MOB2: variants seen among roughly 807,000 people sequenced by gnomAD.
The protein encoded by MOB2 is MOB2 Mps One Binder homolog.
MOB2 carries 14 observed loss-of-function variants against 27.4 expected under a neutral mutation model. The ratio of observed to expected loss-of-function variants is 0.51; its 90% CI spans 0.34 to 0.80. MOB2 has a LOEUF of 0.80. MOB2 is among the 30% of genes least tolerant of loss of function. The pLI is 0.01. For missense variants in MOB2, 304 were observed against 354.6 expected, an observed-to-expected ratio of 0.86 and a Z score of 1.15; for synonymous variants, 167 against 151.8, an observed-to-expected ratio of 1.10 and a Z score of -0.74.
intron 1 of MOB2, among the ~76,000 whole-genome samples, chr11:1,484,424 G>A (rs1847948851): frequency 6.6e-6 from 1 of 152,178 alleles, no homozygotes; most frequent in Non-Finnish European, 1.5e-5. Flanking sequence ...GGCCCCTCAT[G>A]CTCCTTGGTT....
intron 3 of MOB2, among the ~76,000 whole-genome samples, chr11:1,475,860 C>T (rs1179382108): frequency 2.6e-5 from 4 of 152,216 alleles, no homozygotes; most frequent in Non-Finnish European, 5.9e-5. Flanking sequence ...ATCTTAGCAA[C>T]CTCACACACA....
intron 3 of MOB2, 120 bp downstream of exon 3, chr11:1,480,273 G>T: frequency 1.1e-6 from 1 of 920,174 alleles, no homozygotes; most frequent in Admixed American, 2.5e-5. Flanking sequence ...CCTGTGCCAA[G>T]ACTTCTCAGG....
Position 1,481,406 on chromosome 11 carries a change from G to A in MOB2, c.111-521C>T, listed in dbSNP as rs549209021. 1.5e-4 allele frequency: 28 copies of A among 191,116 alleles called. No individual in the cohort carries two copies. In the South Asian group the frequency reaches 1.8e-3, roughly 12 times the overall value. The allele number at this position is 191,116 out of a possible 1,614,324, so 11.8% of individuals were successfully genotyped here. A position where few individuals can be genotyped will look rare whatever the true frequency, so the allele number is the denominator to read the frequency against. On this transcript the variant is annotated intron_variant, in intron 1 of 4. Transcript: ENST00000329957. ...GAGCACGGGGCCCCTGGCATCAGGC[G>A]GCAGCCTGGCCTGCAGCTCCAGTAT...
chr11:1,483,190 C>T (rs1847935147), intron 1 of MOB2, among the ~76,000 whole-genome samples: 2 of 152,198 alleles, frequency 1.3e-5, no homozygotes, highest in Admixed American at 1.3e-4. Flanking sequence ...CTGCCCCTCA[C>T]CCAGGGAAGT....
chr11:1,482,696 C>T (rs1276846652), intron 1 of MOB2, among the ~76,000 whole-genome samples: 1 of 152,250 alleles, frequency 6.6e-6, no homozygotes, highest in African/African-American at 2.4e-5. Context: ...TGAGACAAGC[C>T]TCCTGCAAGC....
rs12798762 is a variant in MOB2 at position 1,486,746 on chromosome 11, T to G, written c.-190A>C. 3 of 533,020 alleles carry G rather than the reference T, an allele frequency of 5.6e-6. No individual in the cohort carries two copies. The highest frequency in any genetic ancestry group is 1.0e-5 in the Non-Finnish European group (3 of 294,968). 33.0% of individuals were successfully genotyped at this position (533,020 alleles called of 1,614,324 possible). On this transcript the variant is annotated 5_prime_UTR_variant, in exon 1 of 5. Coordinates refer to ENST00000329957, the MANE Select transcript of MOB2 (RefSeq NM_001172223.3). ...TGGTGAAACGAGGGAGCGTCTGAAT[T>G]GGCCTTTTCCAAGTGGCATGGCTGC... is the stretch of plus-strand genomic sequence containing the variant.
At chr11:1,483,524 G>A (rs186549667) in intron 1 of MOB2, among the ~76,000 whole-genome samples, 2 of 152,310 alleles carry the variant, frequency 1.3e-5, no homozygotes, top group East Asian at 3.9e-4. Context: ...GGAGGGCCGG[G>A]CCAGATGGAA....
Position 1,486,560 on chromosome 11 carries a change from T to C in MOB2, c.-4A>G. The C allele has an allele frequency of 1.3e-6, 2 of 1,532,686 alleles. No homozygotes were observed. The highest frequency in any genetic ancestry group is 2.4e-5 in the South Asian group (2 of 83,940). The allele number at this position is 1,532,686 out of a possible 1,614,324, so 94.9% of individuals were successfully genotyped here. A position where few individuals can be genotyped will look rare whatever the true frequency, so the allele number is the denominator to read the frequency against. ...GACTGCAGTGGTCTCCCAGCATGAG[T>C]GGGCGACGGGAAGGTGGGGAGGAGA... On this transcript the variant is annotated 5_prime_UTR_variant, in exon 1 of 5. Transcript: ENST00000329957.
chr11:1,485,110 C>G (rs901810434), intron 1 of MOB2, among the ~76,000 whole-genome samples: 4 of 152,218 alleles, frequency 2.6e-5, no homozygotes, highest in African/African-American at 4.8e-5. Flanking sequence ...GCGCCTCGGC[C>G]CCTCCATGCA....
At chr11:1,480,587 G>A in intron 2 of MOB2, 101 bp from the exon 3 acceptor site, 1 of 1,531,158 alleles carries the variant, frequency 6.5e-7, no homozygotes, top group Admixed American at 1.7e-5. Context: ...GGCTGGGTGA[G>A]CTCTGCCCGT....
At position 1,486,625 on chromosome 11, in the gene MOB2, C is replaced by T; in HGVS notation, c.-69G>A. 1 of 1,075,826 alleles carries T rather than the reference C, an allele frequency of 9.3e-7. No homozygotes were observed. Among genetic ancestry groups the T allele is most frequent in the Admixed American group, 2.0e-5 (1 of 49,354 alleles). The allele number at this position is 1,075,826 out of a possible 1,614,324, so 66.6% of individuals were successfully genotyped here. A position where few individuals can be genotyped will look rare whatever the true frequency, so the allele number is the denominator to read the frequency against. The stretch of plus-strand genomic sequence containing the variant: ...CCGGCTGGCCAGCACTCGCAAATGC[C>T]TGCTGCCGGGCCCTCCAGCCTCACT... On this transcript the variant is annotated 5_prime_UTR_variant, in exon 1 of 5. Coordinates refer to ENST00000329957, the MANE Select transcript of MOB2 (RefSeq NM_001172223.3).
chr11:1,483,295 A>C (rs1203524792), intron 1 of MOB2, among the ~76,000 whole-genome samples: 1 of 152,072 alleles, frequency 6.6e-6, no homozygotes, highest in Non-Finnish European at 1.5e-5. Context: ...TGGAGGGAGG[A>C]CTGTGGGAGC....
rs1847788642 is a variant in MOB2 at position 1,471,388 on chromosome 11, T to C, written c.397A>G (p.Lys133Glu). ...QYYWYDERGKKVKCTAPQYVD... is the reference protein window; with the variant it reads ...QYYWYDERGKEVKCTAPQYVD... ...TACTGTGGGGCCGTGCACTTGACCTTCTTCCCCCGCTCGTCATACCAGTAG... is the reference window on the plus strand; with the variant it reads ...TACTGTGGGGCCGTGCACTTGACCTCCTTCCCCCGCTCGTCATACCAGTAG... The change falls in exon 4 of 5, where the codon AAG becomes GAG. Residue 133 changes from lysine to glutamate, a missense_variant. Physicochemically the swap from Lys to Glu is moderately conservative, Grantham distance 56 (BLOSUM62 1). Coordinates refer to ENST00000329957, the MANE Select transcript of MOB2 (RefSeq NM_001172223.3). 6.2e-7 allele frequency: 1 copy of C among 1,613,440 alleles called. No homozygotes were observed. Among genetic ancestry groups the C allele is most frequent in the Non-Finnish European group, 8.5e-7 (1 of 1,179,754 alleles).
intron 1 of MOB2, among the ~76,000 whole-genome samples, chr11:1,485,550 G>A (rs1445317068): frequency 2.0e-5 from 3 of 152,206 alleles, no homozygotes; most frequent in Non-Finnish European, 4.4e-5. Flanking sequence ...GGGTGCCCAG[G>A]GACAGGCAGA....
chr11:1,476,881 G>A (rs934508034), intron 3 of MOB2, among the ~76,000 whole-genome samples: 3 of 152,154 alleles, frequency 2.0e-5, no homozygotes, highest in Admixed American at 6.5e-5. Flanking sequence ...GCAAGTGTTT[G>A]GAGACTTTCC....
intron 3 of MOB2, 71 bp downstream of exon 3, chr11:1,480,319 GCCT>G: frequency 2.2e-6 from 3 of 1,377,654 alleles, no homozygotes; most frequent in Non-Finnish European, 3.1e-6. Context: ...GAGGACAGGA[GCCT>G]GGGGCAGCGG....
chr11:1,479,624 G>A (rs1847887723), intron 3 of MOB2, among the ~76,000 whole-genome samples: 1 of 152,248 alleles, frequency 6.6e-6, no homozygotes, highest in Non-Finnish European at 1.5e-5. Context: ...TTTGTCTGGG[G>A]ACCACGTCTC....
intron 3 of MOB2, among the ~76,000 whole-genome samples, chr11:1,473,805 AC>A (rs2133359665): frequency 1.3e-5 from 2 of 152,342 alleles, no homozygotes; most frequent in Admixed American, 1.3e-4. Context: ...CACAATCAGG[AC>A]ACGCGGCGGC....
Position 1,470,068 on chromosome 11 carries a change from C to G in MOB2, c.*104G>C. On this transcript the variant is annotated 3_prime_UTR_variant, in exon 5 of 5. Coordinates refer to ENST00000329957, the MANE Select transcript of MOB2 (RefSeq NM_001172223.3). ...CAGTGCAGCCCGGGGCCCTCTCAGA[C>G]CTCACCACACGCGTGCCCAGCACAT... 6.5e-7 allele frequency: 1 copy of G among 1,540,140 alleles called. No homozygotes were observed. The highest frequency in any genetic ancestry group is 1.2e-5 in the South Asian group (1 of 83,788).
Sources: allele counts gnomAD v4.1 joint callset (sites outside exome capture counted in the v4.1 genomes callset), GRCh38; gene constraint gnomAD v4.1.1; transcripts MANE v1.5; gene names NCBI Gene and HGNC (gene_info 2026-07-23, HGNC 2026-07-21).